PCDHGC5: variants seen among roughly 807,000 people sequenced by gnomAD.
The protein encoded by PCDHGC5 is protocadherin gamma-C5.
Under a neutral mutation model 59.0 loss-of-function variants are expected in PCDHGC5, and 25 were observed. The observed-to-expected ratio is 0.42, with a 90% CI of 0.31 to 0.59. The LOEUF is 0.59. Ranked by LOEUF, PCDHGC5 falls within the 20% of genes least tolerant of loss-of-function variation. PCDHGC5 has a pLI of 0.13. For missense variants in PCDHGC5, 1,067 were observed against 1,206.4 expected (o/e 0.88, Z 1.71); for synonymous variants, 434 against 505.5 (o/e 0.86, Z 1.90).
intron 3 of PCDHGC5, among the ~76,000 whole-genome samples, chr5:141,507,891 C>A (rs1031803854): frequency 6.6e-6 from 1 of 152,208 alleles, no homozygotes; most frequent in African/African-American, 2.4e-5. Flanking sequence ...AGAGAGGTTC[C>A]TGAAGTCCAG....
intron 2 of PCDHGC5, among the ~76,000 whole-genome samples, chr5:141,501,166 C>T (rs1443045812): frequency 6.6e-6 from 1 of 152,154 alleles, no homozygotes; most frequent in African/African-American, 2.4e-5. Flanking sequence ...CATCCCCAGC[C>T]TCATTTACAT....
intron 3 of PCDHGC5, 110 bp downstream of exon 3, chr5:141,505,591 G>T: frequency 6.4e-7 from 1 of 1,570,280 alleles, no homozygotes; most frequent in Non-Finnish European, 8.7e-7. Flanking sequence ...AGTTTCTCCA[G>T]ATCTTTCGGC....
At chr5:141,502,708 A>G (rs1172090234) in intron 2 of PCDHGC5, among the ~76,000 whole-genome samples, 1 of 152,204 alleles carries the variant, frequency 6.6e-6, no homozygotes, top group Non-Finnish European at 1.5e-5. Flanking sequence ...CTGTTTTTAC[A>G]TCAGTGATTA....
Position 141,490,710 on chromosome 5 carries a change from C to G in PCDHGC5, c.1470C>G (p.Thr490=), listed in dbSNP as rs1158575765. Residue 490 remains threonine, a synonymous_variant, in exon 1 of 4, where the codon ACC becomes ACG. Coordinates refer to ENST00000252087, the MANE Select transcript of PCDHGC5 (RefSeq NM_018929.3). The surrounding 1 kb of genome is among the most constrained non-coding windows in gnomAD (Gnocchi z 5.4). ...ACACTGGGGATAATGCCCGCCTCAC[C>G]TACTCCATTGTAGGAAATCAGGTTC... ...DPDTGDNARL[T]YSIVGNQVQG... 6.2e-7 allele frequency: 1 copy of G among 1,614,208 alleles called. No homozygotes were observed. The highest frequency in any genetic ancestry group is 8.5e-7 in the Non-Finnish European group (1 of 1,180,030).
chr5:141,489,126 T>A lies in PCDHGC5; in HGVS notation c.-115T>A. ...TGCAAGCAGGCAAACCTCCGAGCAGTTTTTAAGAGGCTGGAAGGAGACATA... is the reference window on the plus strand; with the variant it reads ...TGCAAGCAGGCAAACCTCCGAGCAGATTTTAAGAGGCTGGAAGGAGACATA... On this transcript the variant is annotated 5_prime_UTR_variant, in exon 1 of 4. Transcript: ENST00000252087. This position sits in a 1 kb window ranked among gnomAD's most constrained non-coding sequence, Gnocchi z 4.5. 1.7e-6 allele frequency: 1 copy of A among 585,136 alleles called. No individual in the cohort carries two copies. Among genetic ancestry groups the A allele is most frequent in the Non-Finnish European group, 2.7e-6 (1 of 375,012 alleles). The allele number at this position is 585,136 out of a possible 1,614,324, so 36.2% of individuals were successfully genotyped here.
chr5:141,490,700 C>T lies in PCDHGC5; in HGVS notation c.1460C>T (p.Ala487Val). The T allele has an allele frequency of 6.2e-7, 1 of 1,614,152 alleles. No individual in the cohort carries two copies. Among genetic ancestry groups the T allele is most frequent in the Non-Finnish European group, 8.5e-7 (1 of 1,179,984 alleles). ...TCAGATCCAGACACTGGGGATAATG[C>T]CCGCCTCACCTACTCCATTGTAGGA... ...AASDPDTGDN[A>V]RLTYSIVGNQ... The change falls in exon 1 of 4, where the codon GCC becomes GTC. Residue 487 changes from alanine (A) to valine (V), a missense_variant. By Grantham distance (64) the Ala-to-Val change is moderately conservative (BLOSUM62 0). Transcript: ENST00000252087. This position sits in a 1 kb window ranked among gnomAD's most constrained non-coding sequence, Gnocchi z 5.4.
chr5:141,505,520 C>T, intron 3 of PCDHGC5, 39 bp downstream of exon 3: 1 of 1,612,650 alleles, frequency 6.2e-7, no homozygotes, highest in Non-Finnish European at 8.5e-7. Flanking sequence ...AGTGGGAGAC[C>T]TGGGGTTCTG....
chr5:141,492,616 G>C (rs976681246), intron 1 of PCDHGC5, among the ~76,000 whole-genome samples: 2 of 152,252 alleles, frequency 1.3e-5, no homozygotes, highest in African/African-American at 4.8e-5. Context: ...CTAAGTGCCG[G>C]GCGGGCAGGA....
In PCDHGC5 at chr5:141,489,597, A is replaced by G; in HGVS notation, c.357A>G (p.Val119=). 6.2e-7 allele frequency: 1 copy of G among 1,614,100 alleles called. No individual in the cohort carries two copies. The highest frequency in any genetic ancestry group is 1.3e-5 in the African/African-American group (1 of 75,040). ...AACACCCCCTGGAGCTAATCCGTGTAGAGGTAGAGATCCTGGATCTCAATG... is the reference window on the plus strand; with the variant it reads ...AACACCCCCTGGAGCTAATCCGTGTGGAGGTAGAGATCCTGGATCTCAATG... ...VTEHPLELIR[V]EVEILDLNDN... is the part of the protein sequence containing the mutation. Residue 119 remains valine (V), a synonymous_variant, in exon 1 of 4, where the codon GTA becomes GTG. Transcript: ENST00000252087. The surrounding 1 kb of genome is among the most constrained non-coding windows in gnomAD (Gnocchi z 4.5).
intron 2 of PCDHGC5, among the ~76,000 whole-genome samples, chr5:141,504,211 A>G (rs2099836609): frequency 6.6e-6 from 1 of 152,218 alleles, no homozygotes. Flanking sequence ...GGAAAATTCC[A>G]AGTAGAGCTG....
At position 141,489,369 on chromosome 5, in the gene PCDHGC5, G is replaced by T; in HGVS notation, c.129G>T (p.Thr43=). ...TGGTGGAGGAGTCTGAGCCGGGGAC[G>T]CTGGTGGGGAATGTTGCTCAGGATC... ...YSVVEESEPG[T]LVGNVAQDLG... The change falls in exon 1 of 4, where the codon ACG becomes ACT. Residue 43 remains threonine, a synonymous_variant. Coordinates refer to ENST00000252087, the MANE Select transcript of PCDHGC5 (RefSeq NM_018929.3). This position sits in a 1 kb window ranked among gnomAD's most constrained non-coding sequence, Gnocchi z 4.5. 6.2e-7 allele frequency: 1 copy of T among 1,613,592 alleles called. No homozygotes were observed.
chr5:141,498,971 GGGAAGGAAGGAAGGAAGGAAGGAAGGAA>G (rs201769957), intron 2 of PCDHGC5, among the ~76,000 whole-genome samples: 8 of 111,052 alleles, frequency 7.2e-5, no homozygotes, highest in South Asian at 3.8e-4. Flanking sequence ...GAGGGAGGGA[GGGAAGGAAGGAAGGAAGGAAGGAAGGAA>G]GGAAGGAAGG....
chr5:141,490,251 A>G lies in PCDHGC5; in HGVS notation c.1011A>G (p.Gln337=), dbSNP rs1479384008. ...CCATGGAGGGCCACTGTGTGATTCA[A>G]GTGGATGTGGGGGATGTCAATGACA... is the stretch of plus-strand genomic sequence containing the variant. ...QPAMEGHCVI[Q]VDVGDVNDNA... The change falls in exon 1 of 4, where the codon CAA becomes CAG. Residue 337 remains glutamine (Q), a synonymous_variant. Coordinates refer to ENST00000252087, the MANE Select transcript of PCDHGC5 (RefSeq NM_018929.3). This position sits in a 1 kb window ranked among gnomAD's most constrained non-coding sequence, Gnocchi z 5.4. 6.2e-7 allele frequency: 1 copy of G among 1,614,210 alleles called. No homozygotes were observed. Among genetic ancestry groups the G allele is most frequent in the Non-Finnish European group, 8.5e-7 (1 of 1,180,036 alleles).
rs2099694919 is a variant in PCDHGC5, at chr5:141,490,016, C to T, written c.776C>T (p.Thr259Ile). The T allele has an allele frequency of 6.2e-7, 1 of 1,614,158 alleles. No individual in the cohort carries two copies. The highest frequency in any genetic ancestry group is 8.5e-7 in the Non-Finnish European group (1 of 1,180,060). Residue 259 changes from threonine (T) to isoleucine (I), a missense_variant, in exon 1 of 4, where the codon ACT becomes ATT. Physicochemically the swap from Thr to Ile is moderately conservative, Grantham distance 89 (BLOSUM62 -1). Transcript: ENST00000252087. This position sits in a 1 kb window ranked among gnomAD's most constrained non-coding sequence, Gnocchi z 5.4. ...VGIPENAPIGTLLLRLNATDP... is the reference protein window; with the variant it reads ...VGIPENAPIGILLLRLNATDP... ...ATCCCAGAGAATGCACCCATTGGTACTCTGCTGCTCCGCCTCAATGCCACT... is the reference window on the plus strand; with the variant it reads ...ATCCCAGAGAATGCACCCATTGGTATTCTGCTGCTCCGCCTCAATGCCACT...
In PCDHGC5 at chr5:141,490,794, C is replaced by G. The variant is rs763933771; in HGVS notation, c.1554C>G (p.Ala518=). The G allele has an allele frequency of 5.0e-6, 8 of 1,613,976 alleles. No individual in the cohort carries two copies. In the South Asian group the frequency reaches 7.7e-5, roughly 16 times the overall value. The part of the protein sequence containing the change: ...YVNPEDGRIF[A]QRTFDYELLQ... ...ACCCAGAGGATGGACGGATCTTTGCCCAGCGTACCTTTGACTATGAATTGC... is the reference window on the plus strand; with the variant it reads ...ACCCAGAGGATGGACGGATCTTTGCGCAGCGTACCTTTGACTATGAATTGC... The change falls in exon 1 of 4, where the codon GCC becomes GCG. Residue 518 remains alanine, a synonymous_variant. Transcript: ENST00000252087. The surrounding 1 kb of genome is among the most constrained non-coding windows in gnomAD (Gnocchi z 5.4).
At position 141,490,753 on chromosome 5, in the gene PCDHGC5, T is replaced by C; in HGVS notation, c.1513T>C (p.Ser505Pro). ...TCAGGTTCAGGGAGCCCCAGCCTCC[T>C]CCTTTGTGTATGTCAACCCAGAGGA... ...GNQVQGAPAS[S>P]FVYVNPEDGR... is the part of the protein sequence containing the mutation. The change falls in exon 1 of 4, where the codon TCC (serine) becomes CCC (proline). Residue 505 changes from serine (S) to proline (P), a missense_variant. Physicochemically the swap from Ser to Pro is moderately conservative, Grantham distance 74 (BLOSUM62 -1). Transcript: ENST00000252087. This position sits in a 1 kb window ranked among gnomAD's most constrained non-coding sequence, Gnocchi z 5.4. 1 of 1,614,184 alleles carries C rather than the reference T, an allele frequency of 6.2e-7. No individual in the cohort carries two copies. The highest frequency in any genetic ancestry group is 8.5e-7 in the Non-Finnish European group (1 of 1,180,024).
intron 1 of PCDHGC5, among the ~76,000 whole-genome samples, chr5:141,494,338 ACAG>A (rs2099753688): frequency 6.6e-6 from 1 of 152,224 alleles, no homozygotes; most frequent in African/African-American, 2.4e-5. Flanking sequence ...GTTACCAAGA[ACAG>A]CAGCCATCTT....
chr5:141,497,693 C>T (rs2099778709), intron 2 of PCDHGC5, among the ~76,000 whole-genome samples: 2 of 152,136 alleles, frequency 1.3e-5, no homozygotes, highest in Admixed American at 6.5e-5. Context: ...GTGTGCACCA[C>T]CACACCCAGC....
chr5:141,497,413 T>C (rs572922456), intron 2 of PCDHGC5, among the ~76,000 whole-genome samples: 8 of 152,046 alleles, frequency 5.3e-5, no homozygotes, highest in Admixed American at 5.2e-4. Context: ...TCCCATTCCA[T>C]CAAATGAGAG....
Sources: allele counts gnomAD v4.1 joint callset (sites outside exome capture counted in the v4.1 genomes callset), GRCh38; gene constraint gnomAD v4.1.1; non-coding constraint Gnocchi (gnomAD v3.1); transcripts MANE v1.5; gene names NCBI Gene and HGNC (gene_info 2026-07-23, HGNC 2026-07-21).